The following ERI1 variants were observed in gnomAD, a reference collection of about 807,000 sequenced individuals.
ERI1 encodes 3'-5' exoribonuclease 1.
ERI1 carries 39 observed loss-of-function variants against 39.7 expected under a neutral mutation model. The observed-to-expected ratio is 0.98, with a 90% CI of 0.76 to 1.28. The LOEUF (loss-of-function observed/expected upper bound fraction) is 1.28, where lower values mean the gene tolerates loss of function less well. Among genes scored for constraint, ERI1 ranks in the 50% most tolerant of loss-of-function variants. The pLI is 0.00. For missense variants in ERI1, 581 were observed against 416.9 expected (o/e 1.39, Z -3.43); for synonymous variants, 204 against 149.6 (o/e 1.36, Z -2.65).
At chr8:9,016,180 G>T in intron 3 of ERI1, 142 bp from the exon 4 acceptor site, 1 of 436,272 alleles carries the variant, frequency 2.3e-6, no homozygotes, top group East Asian at 3.4e-5. Context: ...TTTCGATGTG[G>T]GGAATTATTC....
intron 2 of ERI1, among the ~76,000 whole-genome samples, chr8:9,010,900 A>G (rs1307428153): frequency 6.6e-6 from 1 of 152,180 alleles, no homozygotes; most frequent in African/African-American, 2.4e-5. Context: ...ATGATAAATT[A>G]AGAAACTTAT....
At chr8:9,025,651 A>G (rs61637671) in intron 6 of ERI1, among the ~76,000 whole-genome samples, 2,849 of 151,982 alleles carry the variant, frequency 0.019, 96 homozygotes, top group African/African-American at 0.063. Context: ...AATAAAGTTA[A>G]TAACTCTTTT....
At chr8:9,058,455 G>A (rs1798584231) in intron 3 of ERI1, among the ~76,000 whole-genome samples, 1 of 152,162 alleles carries the variant, frequency 6.6e-6, no homozygotes, top group Non-Finnish European at 1.5e-5. Context: ...ATTCAGAAGG[G>A]GCAATGGTTT....
At chr8:9,075,964 G>T (rs899946544) in intron 3 of ERI1, among the ~76,000 whole-genome samples, 3 of 151,878 alleles carry the variant, frequency 2.0e-5, no homozygotes, top group Admixed American at 6.6e-5. Context: ...GTCTCATTGT[G>T]TCACCCAGGC....
chr8:9,098,560 G>A (rs1193870394), intron 3 of ERI1, among the ~76,000 whole-genome samples: 1 of 151,974 alleles, frequency 6.6e-6, no homozygotes, highest in African/African-American at 2.4e-5. Context: ...TGGGCTTTGG[G>A]GACTCCAGGC....
intron 1 of ERI1, among the ~76,000 whole-genome samples, chr8:9,005,790 G>A (rs940712930): frequency 1.3e-4 from 20 of 152,264 alleles, no homozygotes; most frequent in Non-Finnish European, 2.5e-4. Flanking sequence ...CAACGCGCCC[G>A]GCCTCAACGA....
chr8:9,094,084 A>G (rs1332172297), intron 3 of ERI1, among the ~76,000 whole-genome samples: 2 of 152,226 alleles, frequency 1.3e-5, no homozygotes, highest in Non-Finnish European at 2.9e-5. Context: ...TTTTAATAAT[A>G]ACAAGTATAG....
At chr8:9,081,575 C>G (rs1427523198) in intron 3 of ERI1, among the ~76,000 whole-genome samples, 1 of 152,174 alleles carries the variant, frequency 6.6e-6, no homozygotes. Context: ...CTCTGCTACC[C>G]ATTTCTTCAC....
chr8:9,051,757 G>C (rs760850937), intron 3 of ERI1, among the ~76,000 whole-genome samples: 9 of 151,730 alleles, frequency 5.9e-5, no homozygotes, highest in Non-Finnish European at 1.3e-4. Context: ...TTAGATCTTT[G>C]TAAGTGTCCT....
chr8:9,039,818 C>T (rs2117342133), intron 3 of ERI1, among the ~76,000 whole-genome samples: 1 of 152,124 alleles, frequency 6.6e-6, no homozygotes, highest in South Asian at 2.1e-4. Flanking sequence ...TAAATATTTC[C>T]CATTTCATAA....
chr8:9,013,692 C>G (rs950309134), intron 3 of ERI1, among the ~76,000 whole-genome samples: 2 of 152,278 alleles, frequency 1.3e-5, no homozygotes, highest in Middle Eastern at 3.4e-3. Flanking sequence ...GTGTCTCAAC[C>G]TTTTGAACTT....
chr8:9,046,688 C>A (rs985388463), intron 3 of ERI1, among the ~76,000 whole-genome samples: 6 of 152,180 alleles, frequency 3.9e-5, no homozygotes, highest in African/African-American at 9.7e-5. Context: ...GCAAAAACAC[C>A]TTTACTATTG....
intron 3 of ERI1, among the ~76,000 whole-genome samples, chr8:9,047,573 T>C (rs1364390664): frequency 6.6e-6 from 1 of 151,588 alleles, no homozygotes; most frequent in Non-Finnish European, 1.5e-5. Context: ...CAGGTGCATA[T>C]CTGCAGTCCC....
downstream of ERI1, among the ~76,000 whole-genome samples, chr8:9,033,707 T>A (rs1797741759): frequency 6.6e-6 from 1 of 152,216 alleles, no homozygotes; most frequent in South Asian, 2.1e-4. Context: ...AGCGGTTAAG[T>A]TGCCAAAGTT....
intron 3 of ERI1, among the ~76,000 whole-genome samples, chr8:9,041,587 A>G (rs942125358): frequency 2.0e-5 from 3 of 152,250 alleles, no homozygotes; most frequent in Non-Finnish European, 2.9e-5. Context: ...TGAATGATCA[A>G]TGGGTGAAAG....
At chr8:9,004,522 G>T (rs1452725546) in intron 1 of ERI1, among the ~76,000 whole-genome samples, 3 of 135,438 alleles carry the variant, frequency 2.2e-5, no homozygotes, top group Middle Eastern at 3.9e-3. Context: ...ACAAAAAGCC[G>T]GTCGTAGTTG....
chr8:9,090,211 C>CA lies in ERI1; in HGVS notation n.300-26137_300-26136insA, dbSNP rs1799662451. 6.6e-5 allele frequency among the ~76,000 whole-genome samples: 10 copies of CA among 152,180 alleles called. No individual in the cohort carries two copies. In the South Asian group the frequency reaches 2.1e-3, roughly 32 times the overall value. ...CAATTATGCAGAAACTCCACTGCTT[C>CA]TTCCTCCTCCTGATATGCTGTGAGA... On this transcript the variant is annotated intron_variant and non_coding_transcript_variant, in intron 3 of 3. Transcript: ENST00000518663.
At chr8:9,095,418 G>T (rs1799845257) in intron 3 of ERI1, among the ~76,000 whole-genome samples, 1 of 152,110 alleles carries the variant, frequency 6.6e-6, no homozygotes, top group African/African-American at 2.4e-5. Context: ...TTCTGTAATG[G>T]TAAGGAGTTC....
intron 2 of ERI1, chr8:9,009,185 C>G (rs1256535489): frequency 2.7e-5 from 11 of 410,330 alleles, no homozygotes; most frequent in Non-Finnish European, 5.3e-5. Flanking sequence ...ATTCTAAGTA[C>G]TGCACTAGGC....
Sources: gnomAD v4.1 joint callset for allele counts (sites outside exome capture counted in the v4.1 genomes callset) on GRCh38, gnomAD v4.1.1 for gene constraint, MANE v1.5 for transcripts, NCBI Gene and HGNC (gene_info 2026-07-23, HGNC 2026-07-21) for gene names.